Variants in RLIM observed in about 807,000 individuals in gnomAD.
RLIM encodes E3 ubiquitin-protein ligase RLIM.
RLIM carries 2 observed loss-of-function variants against 34.0 expected under a neutral mutation model. The observed-to-expected ratio is 0.06, with a 90% CI of 0.02 to 0.19. The LOEUF is 0.19. Among genes scored for constraint, RLIM ranks in the 10% least tolerant of loss-of-function variants. The probability of loss-of-function intolerance (pLI) is 1.00; values close to 1 mark genes in which losing one functional copy is unlikely to be tolerated. For missense variants in RLIM, 286 were observed against 479.7 expected (o/e 0.60, Z 3.77); for synonymous variants, 169 against 164.0 (o/e 1.03, Z -0.23).
intron 1 of RLIM, among the ~76,000 whole-genome samples, chrX:74,613,899 G>A (rs1359192211): frequency 9.1e-6 from 1 of 109,818 alleles, no homozygotes; most frequent in Non-Finnish European, 1.9e-5. Flanking sequence ...GCGCCTAATT[G>A]GTAATACCCT....
At chrX:74,604,165 T>C (rs1388415604) in intron 1 of RLIM, among the ~76,000 whole-genome samples, 2 of 111,082 alleles carry the variant, frequency 1.8e-5, no homozygotes, top group Admixed American at 1.9e-4. Flanking sequence ...TGTTTTACAT[T>C]AAAAAATACT....
Position 74,594,330 on chromosome X carries a change from G to A in RLIM, c.229C>T (p.Pro77Ser). 1 of 1,207,198 alleles carries A rather than the reference G, an allele frequency of 8.3e-7. No individual in the cohort carries two copies. The highest frequency in any genetic ancestry group is 2.3e-4 in the Middle Eastern group (1 of 4,334). ...CCTCTATTTTCATCTGAGTTTTGCG[G>A]TGGTGGGCCTTCTTTAATTTGCTGT... ...RLQQIKEGPP[P>S]QNSDENRGGD... Residue 77 changes from proline to serine, a missense_variant, in exon 3 of 4, where the codon CCG becomes TCG. Pro to Ser is a moderately conservative substitution (Grantham distance 74). Transcript: ENST00000332687.
intron 1 of RLIM, among the ~76,000 whole-genome samples, chrX:74,605,500 T>C (rs917442703): frequency 8.0e-5 from 9 of 112,092 alleles, no homozygotes; most frequent in South Asian, 3.7e-4. Context: ...GTGAGTAACA[T>C]TGTGGTACAT....
Position 74,592,721 on chromosome X carries a change from C to T in RLIM, c.594G>A (p.Ala198=), listed in dbSNP as rs765717074. 6.6e-6 allele frequency: 8 copies of T among 1,211,823 alleles called. No homozygotes were observed. Among genetic ancestry groups the T allele is most frequent in the South Asian group, 3.5e-5 (2 of 57,018 alleles). ...CTCTGGTAGGTGGGACCTCTGTTAACGCTTCAGTTGAATTTCGTTCTGATC... is the reference window on the plus strand; with the variant it reads ...CTCTGGTAGGTGGGACCTCTGTTAATGCTTCAGTTGAATTTCGTTCTGATC... ...PSRSERNSTE[A]LTEVPPTRGQ... Residue 198 remains alanine, a synonymous_variant, in exon 4 of 4, where the codon GCG becomes GCA. Transcript: ENST00000332687.
intron 1 of RLIM, among the ~76,000 whole-genome samples, chrX:74,599,805 G>A (rs1210255574): frequency 9.0e-6 from 1 of 111,107 alleles, no homozygotes; most frequent in Non-Finnish European, 1.9e-5. Flanking sequence ...AGGACAATAC[G>A]AAAAAATTTA....
chrX:74,601,781 T>G (rs1268076902), intron 1 of RLIM, among the ~76,000 whole-genome samples: 1 of 111,784 alleles, frequency 8.9e-6, no homozygotes, highest in Non-Finnish European at 1.9e-5. Context: ...TAAGAAGAAA[T>G]ATAGACCAGT....
chrX:74,612,479 A>G (rs976968172), intron 1 of RLIM: 1 of 111,633 alleles, frequency 9.0e-6, no homozygotes, highest in Non-Finnish European at 1.9e-5. Flanking sequence ...ACATCTATCA[A>G]TGAGCCCATC....
chrX:74,597,683 T>C (rs1309112420), intron 1 of RLIM, among the ~76,000 whole-genome samples: 2 of 112,282 alleles, frequency 1.8e-5, no homozygotes, highest in African/African-American at 6.5e-5. Context: ...ATATATTTTA[T>C]TACTCATCAT....
At chrX:74,608,836 C>T (rs1433636859) in intron 1 of RLIM, among the ~76,000 whole-genome samples, 1 of 112,256 alleles carries the variant, frequency 8.9e-6, no homozygotes, top group Non-Finnish European at 1.9e-5. Flanking sequence ...TCTACAGGAT[C>T]AAGTTAGTTA....
chrX:74,588,162 T>C lies in RLIM; in HGVS notation c.*3278A>G, dbSNP rs1375382305. On this transcript the variant is annotated 3_prime_UTR_variant, in exon 4 of 4. Coordinates refer to ENST00000332687, the MANE Select transcript of RLIM (RefSeq NM_016120.4). Reference sequence around the variant, plus strand: ...AACTTAACTTGCTCAATTTTGTTTCTAATAGTACTAATAAACCTCAACTTT... The same window carrying C: ...AACTTAACTTGCTCAATTTTGTTTCCAATAGTACTAATAAACCTCAACTTT... 8.9e-6 allele frequency: 1 copy of C among 112,413 alleles called. No individual in the cohort carries two copies. Among genetic ancestry groups the C allele is most frequent in the Non-Finnish European group, 1.9e-5 (1 of 53,331 alleles). The allele number at this position is 112,413 out of a possible 1,213,427, so 9.3% of individuals were successfully genotyped here.
At position 74,592,503 on chromosome X, in the gene RLIM, A is replaced by C. The variant is rs1415645364; in HGVS notation, c.812T>G (p.Leu271Trp). 2 of 1,210,191 alleles carry C rather than the reference A, an allele frequency of 1.7e-6. No individual in the cohort carries two copies. Among genetic ancestry groups the C allele is most frequent in the East Asian group, 5.9e-5 (2 of 33,787 alleles). ...CTCAGGCCCAGATATTTGCTGCCTCAATGTCACATGGTGCCGGGTTCTAGA... is the reference window on the plus strand; with the variant it reads ...CTCAGGCCCAGATATTTGCTGCCTCCATGTCACATGGTGCCGGGTTCTAGA... ...GSSRTRHHVT[L>W]RQQISGPELL... The change falls in exon 4 of 4, where the codon TTG (leucine) becomes TGG (tryptophan). Residue 271 changes from leucine to tryptophan, a missense_variant. This residue lies in a region of RLIM where 121 missense variants were observed against 182.4 expected (regional missense o/e 0.66). Coordinates refer to ENST00000332687, the MANE Select transcript of RLIM (RefSeq NM_016120.4).
chrX:74,613,118 TG>T (rs770155390), intron 1 of RLIM, among the ~76,000 whole-genome samples: 17 of 108,509 alleles, frequency 1.6e-4, no homozygotes, highest in African/African-American at 3.7e-4. Context: ...AGAAAAGTCA[TG>T]GGGGGGGAGG....
At chrX:74,613,638 CTTTTTTT>C (rs11416723) in intron 1 of RLIM, among the ~76,000 whole-genome samples, 1 of 87,603 alleles carries the variant, frequency 1.1e-5, no homozygotes, top group Non-Finnish European at 2.2e-5. Context: ...CCCCCCTAGG[CTTTTTTT>C]TTTTTTTTTA....
chrX:74,606,312 A>G (rs1416748138), intron 1 of RLIM, among the ~76,000 whole-genome samples: 1 of 111,708 alleles, frequency 9.0e-6, no homozygotes, highest in South Asian at 3.7e-4. Flanking sequence ...ATTTTGCCCA[A>G]TCGTTTCAAA....
intron 1 of RLIM, among the ~76,000 whole-genome samples, chrX:74,601,327 G>A (rs185031865): frequency 1.7e-4 from 19 of 112,146 alleles, no homozygotes; most frequent in Non-Finnish European, 3.6e-4. Context: ...AGATGTCATA[G>A]AGAACAGGAG....
At chrX:74,602,920 C>G (rs2079667289) in intron 1 of RLIM, among the ~76,000 whole-genome samples, 1 of 110,521 alleles carries the variant, frequency 9.0e-6, no homozygotes, top group Admixed American at 9.7e-5. Context: ...AAATTAAGGT[C>G]AATAGTTAAA....
At chrX:74,608,804 A>C (rs1451153759) in intron 1 of RLIM, among the ~76,000 whole-genome samples, 1 of 112,508 alleles carries the variant, frequency 8.9e-6, no homozygotes, top group African/African-American at 3.2e-5. Context: ...AAAGGACTGA[A>C]GACCATGCCA....
chrX:74,596,908 C>T (rs886868723), intron 1 of RLIM, among the ~76,000 whole-genome samples: 2 of 111,528 alleles, frequency 1.8e-5, no homozygotes, highest in African/African-American at 3.3e-5. Context: ...CTGAATGTCA[C>T]GCTTAAAGGT....
chrX:74,583,695 C>T lies in RLIM; in HGVS notation c.*7745G>A. On this transcript the variant is annotated 3_prime_UTR_variant, in exon 4 of 4. Coordinates refer to ENST00000332687, the MANE Select transcript of RLIM (RefSeq NM_016120.4). Reference sequence around the variant, plus strand: ...GTGCTAAGGTGTATCTGGTAATGCCCAGTGCTTTACTGAATTTACAGTATA... The same window carrying T: ...GTGCTAAGGTGTATCTGGTAATGCCTAGTGCTTTACTGAATTTACAGTATA... The T allele has an allele frequency of 5.7e-6, 2 of 348,694 alleles. No homozygotes were observed. The highest frequency in any genetic ancestry group is 2.6e-5 in the African/African-American group (1 of 38,676). 28.7% of individuals were successfully genotyped at this position (348,694 alleles called of 1,213,427 possible). A position where few individuals can be genotyped will look rare whatever the true frequency, so the allele number is the denominator to read the frequency against.
Sources: gnomAD v4.1 joint callset for allele counts (sites outside exome capture counted in the v4.1 genomes callset) on GRCh38, gnomAD v4.1.1 for gene constraint, gnomAD v4.1.1 regional missense constraint, MANE v1.5 for transcripts, NCBI Gene and HGNC (gene_info 2026-07-23, HGNC 2026-07-21) for gene names.